NNT: variants seen among roughly 807,000 people sequenced by gnomAD.
The protein encoded by NNT is nicotinamide nucleotide transhydrogenase.
Under a neutral mutation model 104.8 loss-of-function variants are expected in NNT, and 50 were observed. The ratio of observed to expected loss-of-function variants is 0.48; its 90% CI spans 0.38 to 0.60. The LOEUF (loss-of-function observed/expected upper bound fraction) is 0.60. NNT is among the 20% of genes least tolerant of loss of function. NNT has a pLI of 0.00. For synonymous variants in NNT, 461 were observed against 490.4 expected (o/e 0.94, Z 0.79); for missense variants, 1,131 against 1,330.7 (o/e 0.85, Z 2.33).
At chr5:43,667,118 A>G in intron 17 of NNT, 1 of 1,517,352 alleles carries the variant, frequency 6.6e-7, no homozygotes, top group Non-Finnish European at 9.0e-7. Flanking sequence ...TTCCTCAGGA[A>G]CTTGGGGTCC....
intron 19 of NNT, among the ~76,000 whole-genome samples, chr5:43,681,492 G>A (rs896171062): frequency 1.9e-4 from 29 of 151,744 alleles, no homozygotes; most frequent in African/African-American, 5.6e-4. Flanking sequence ...TCTGCCTCCC[G>A]GGTTCAAAGC....
intron 7 of NNT, among the ~76,000 whole-genome samples, chr5:43,637,764 T>C (rs1751009974): frequency 6.6e-6 from 1 of 152,152 alleles, no homozygotes; most frequent in African/African-American, 2.4e-5. Context: ...CCTTAGCACA[T>C]TTTCCCTCAT....
At chr5:43,636,472 T>C (rs1344315801) in intron 7 of NNT, among the ~76,000 whole-genome samples, 1 of 152,218 alleles carries the variant, frequency 6.6e-6, no homozygotes, top group African/African-American at 2.4e-5. Flanking sequence ...TTATTAAGGC[T>C]GTTTTCCCAG....
At chr5:43,635,634 T>C (rs2111756753) in intron 7 of NNT, among the ~76,000 whole-genome samples, 1 of 152,296 alleles carries the variant, frequency 6.6e-6, no homozygotes, top group Non-Finnish European at 1.5e-5. Flanking sequence ...GGTCAATGTG[T>C]CTGTGGGGTT....
intron 13 of NNT, among the ~76,000 whole-genome samples, chr5:43,652,484 G>A (rs1739816592): frequency 1.3e-5 from 2 of 150,530 alleles, no homozygotes; most frequent in Middle Eastern, 3.4e-3. Flanking sequence ...CTGTCTTTTA[G>A]TTTCTTCTAT....
chr5:43,681,082 A>G (rs1040254821), intron 19 of NNT, among the ~76,000 whole-genome samples: 4 of 151,776 alleles, frequency 2.6e-5, no homozygotes, highest in Non-Finnish European at 4.4e-5. Context: ...AACATGGTGA[A>G]ACCCCGTCTC....
At chr5:43,607,937 C>CTTT (rs35612406) in intron 1 of NNT, among the ~76,000 whole-genome samples, 6 of 148,542 alleles carry the variant, frequency 4.0e-5, no homozygotes, top group African/African-American at 1.5e-4. Flanking sequence ...GCTTTCTATT[C>CTTT]TTTTTTTTTT....
intron 6 of NNT, 100 bp from the exon 7 acceptor site, chr5:43,628,100 T>G: frequency 1.1e-6 from 1 of 880,196 alleles, no homozygotes; most frequent in Non-Finnish European, 1.6e-6. Flanking sequence ...CTTTTGAATA[T>G]ATAGTTTGTT....
chr5:43,702,512 A>G, intron 20 of NNT, 109 bp from the exon 21 acceptor site: 1 of 681,090 alleles, frequency 1.5e-6, no homozygotes, highest in Non-Finnish European at 2.3e-6. Context: ...TGCGAATCCT[A>G]TATTTTTGTT....
intron 2 of NNT, among the ~76,000 whole-genome samples, chr5:43,611,237 T>C (rs937008726): frequency 8.5e-5 from 13 of 152,152 alleles, no homozygotes; most frequent in East Asian, 1.9e-4. Context: ...TTTAATATAC[T>C]GAAGAATTTC....
chr5:43,685,111 G>A lies in NNT; in HGVS notation c.2876+7305G>A, dbSNP rs191460879. ...TCCTACCTTAAGAAGCAGTTGGATT[G>A]GAAGATCTTTAAGTTCTATTTAAAC... On this transcript the variant is annotated intron_variant, in intron 19 of 21. Coordinates refer to ENST00000344920, the MANE Select transcript of NNT (RefSeq NM_182977.3). Among the ~76,000 whole-genome samples, 7 of 152,240 alleles carry A rather than the reference G, an allele frequency of 4.6e-5. No homozygotes were observed. The East Asian group carries it at 1.3e-3, about 29-fold the overall frequency.
chr5:43,625,883 C>T (rs1271718518), intron 6 of NNT, among the ~76,000 whole-genome samples: 1 of 152,002 alleles, frequency 6.6e-6, no homozygotes, highest in East Asian at 1.9e-4. Context: ...TTATGTGTTT[C>T]CTCATCTACA....
chr5:43,676,336 C>G (rs765321865), intron 18 of NNT, among the ~76,000 whole-genome samples: 7 of 152,186 alleles, frequency 4.6e-5, no homozygotes, highest in African/African-American at 1.7e-4. Flanking sequence ...TTAACTCTAT[C>G]ATGTTATCAA....
At chr5:43,653,749 G>A (rs927629474) in intron 14 of NNT, among the ~76,000 whole-genome samples, 3 of 151,938 alleles carry the variant, frequency 2.0e-5, no homozygotes, top group Non-Finnish European at 4.4e-5. Context: ...GAGGCCAGGA[G>A]TTTGAAACTG....
chr5:43,666,710 G>A (rs373566927), intron 17 of NNT: 2 of 1,025,148 alleles, frequency 2.0e-6, no homozygotes, highest in Non-Finnish European at 2.8e-6. Flanking sequence ...TGGTAGCCCA[G>A]GGACGGGGGT....
intron 3 of NNT, among the ~76,000 whole-genome samples, 157 bp from the exon 4 acceptor site, chr5:43,615,691 C>CCTTATATT (rs1403958192): frequency 6.6e-6 from 1 of 151,932 alleles, no homozygotes; most frequent in Non-Finnish European, 1.5e-5. Context: ...TCTGTGTGTG[C>CCTTATATT]CTTATATTGC....
At chr5:43,702,231 T>C (rs902166239) in intron 20 of NNT, among the ~76,000 whole-genome samples, 5 of 152,332 alleles carry the variant, frequency 3.3e-5, no homozygotes, top group African/African-American at 1.2e-4. Flanking sequence ...CTTGGATTCT[T>C]ATAGTTTGAG....
chr5:43,627,067 T>C (rs34330393), intron 6 of NNT, among the ~76,000 whole-genome samples: 5,139 of 152,294 alleles, frequency 0.034, 129 homozygotes, highest in East Asian at 0.12. Context: ...TGACTTCCTT[T>C]TCACATTAGA....
intron 19 of NNT, among the ~76,000 whole-genome samples, chr5:43,679,657 A>G (rs1454156716): frequency 6.6e-6 from 1 of 152,210 alleles, no homozygotes; most frequent in Non-Finnish European, 1.5e-5. Context: ...ATCTATGAGG[A>G]CATGATATAA....
Sources: gnomAD v4.1 joint callset for allele counts (sites outside exome capture counted in the v4.1 genomes callset) on GRCh38, gnomAD v4.1.1 for gene constraint, MANE v1.5 for transcripts, NCBI Gene and HGNC (gene_info 2026-07-23, HGNC 2026-07-21) for gene names.